Variants in KCNIP4 observed in about 807,000 individuals in gnomAD.
KCNIP4 encodes Kv channel-interacting protein 4.
KCNIP4 carries 12 observed loss-of-function variants against 34.0 expected under a neutral mutation model. That is an observed-to-expected ratio of 0.35 (90% CI 0.23 to 0.57). KCNIP4 has a LOEUF of 0.57. KCNIP4 is among the 20% of genes least tolerant of loss of function. The pLI, the probability that KCNIP4 is intolerant of heterozygous loss-of-function variation, is 0.83. For missense variants in KCNIP4, 238 were observed against 311.7 expected (o/e 0.76, Z 1.78); for synonymous variants, 124 against 102.2 (o/e 1.21, Z -1.29).
intron 1 of KCNIP4, among the ~76,000 whole-genome samples, chr4:21,342,155 G>A (rs952460063): frequency 6.6e-6 from 1 of 152,060 alleles, no homozygotes; most frequent in Non-Finnish European, 1.5e-5. Context: ...GCACGGGGTA[G>A]GAAGAAAAGA....
At chr4:21,480,374 CTT>C (rs1179131057) in intron 1 of KCNIP4, among the ~76,000 whole-genome samples, 3 of 152,022 alleles carry the variant, frequency 2.0e-5, no homozygotes, top group Non-Finnish European at 2.9e-5. Flanking sequence ...AAACACGAAT[CTT>C]TTGTCAATAG....
intron 1 of KCNIP4, among the ~76,000 whole-genome samples, chr4:20,906,067 C>CCCTT (rs1328039817): frequency 6.8e-6 from 1 of 147,844 alleles, no homozygotes; most frequent in African/African-American, 2.5e-5. Context: ...CTCCCTCCCT[C>CCCTT]CCTTCCCTCC....
chr4:21,619,905 G>T (rs535383778), intron 1 of KCNIP4, among the ~76,000 whole-genome samples: 1 of 152,274 alleles, frequency 6.6e-6, no homozygotes, highest in African/African-American at 2.4e-5. Flanking sequence ...ATTAGAAGGG[G>T]TGTTACCTTG....
intron 1 of KCNIP4, chr4:21,847,632 T>G (rs1402988725): frequency 6.6e-6 from 1 of 151,198 alleles, no homozygotes; most frequent in African/African-American, 2.4e-5. Context: ...AATTAAATTG[T>G]TTTTTGTTTC....
chr4:20,873,626 T>C lies in KCNIP4; in HGVS notation c.163+8982A>G, dbSNP rs75199742. On this transcript the variant is annotated intron_variant, in intron 2 of 8. Transcript: ENST00000382152. Reference sequence around the variant, plus strand: ...CTTGATCCTTTGCTAGTCTTTTCTCTAACTTCAAGTTCACATCATCCCTTC... The same window carrying C: ...CTTGATCCTTTGCTAGTCTTTTCTCCAACTTCAAGTTCACATCATCCCTTC... Among the ~76,000 whole-genome samples, 137 of 152,320 alleles carry C rather than the reference T, an allele frequency of 9.0e-4. 1 individual carries two copies. The highest frequency in any genetic ancestry group is 3.1e-3 in the African/African-American group (128 of 41,586).
chr4:21,109,626 C>T (rs186144077), intron 1 of KCNIP4, among the ~76,000 whole-genome samples: 1 of 152,318 alleles, frequency 6.6e-6, no homozygotes, highest in Non-Finnish European at 1.5e-5. Flanking sequence ...CACCCACTGT[C>T]TGGCACTCCC....
At chr4:20,973,112 G>C (rs750954174) in intron 1 of KCNIP4, among the ~76,000 whole-genome samples, 6 of 152,158 alleles carry the variant, frequency 3.9e-5, no homozygotes, top group Non-Finnish European at 5.9e-5. Flanking sequence ...AAGCTTTAAA[G>C]CCAGACACTG....
At chr4:21,799,629 C>A (rs192579817) in intron 1 of KCNIP4, among the ~76,000 whole-genome samples, 211 of 152,158 alleles carry the variant, frequency 1.4e-3, no homozygotes, top group Non-Finnish European at 2.3e-3. Flanking sequence ...GTTGAATGTG[C>A]CAGGTGCAAA....
chr4:21,176,789 G>A (rs1037573131), intron 1 of KCNIP4, among the ~76,000 whole-genome samples: 6 of 152,190 alleles, frequency 3.9e-5, no homozygotes, highest in Non-Finnish European at 5.9e-5. Context: ...CCAAAGTGCT[G>A]GGATTACAGG....
Position 20,959,225 on chromosome 4 carries a change from A to G in KCNIP4, c.62-76516T>C, listed in dbSNP as rs751739544. Among the ~76,000 whole-genome samples, 3 of 152,192 alleles carry G rather than the reference A, an allele frequency of 2.0e-5. 1 individual carries two copies. The highest frequency in any genetic ancestry group is 4.1e-4 in the South Asian group (2 of 4,830). Reference sequence around the variant, plus strand: ...ATGGTTCACCTCTTGGCCCCCTACTACAGGTAGCCAAAATAAATGACTGTA... The same window carrying G: ...ATGGTTCACCTCTTGGCCCCCTACTGCAGGTAGCCAAAATAAATGACTGTA... On this transcript the variant is annotated intron_variant, in intron 1 of 8. Coordinates refer to ENST00000382152, the MANE Select transcript of KCNIP4 (RefSeq NM_025221.6).
intron 1 of KCNIP4, among the ~76,000 whole-genome samples, chr4:20,895,080 T>C (rs1182726432): frequency 6.6e-6 from 1 of 152,248 alleles, no homozygotes; most frequent in Non-Finnish European, 1.5e-5. Flanking sequence ...TTCATCTGTC[T>C]AGCTCCTGGG....
At chr4:21,550,205 A>G (rs973267020) in intron 1 of KCNIP4, among the ~76,000 whole-genome samples, 1 of 152,110 alleles carries the variant, frequency 6.6e-6, no homozygotes, top group Non-Finnish European at 1.5e-5. Flanking sequence ...AGGACCAATC[A>G]CAGACATGGC....
intron 1 of KCNIP4, among the ~76,000 whole-genome samples, chr4:21,081,378 A>G (rs1047498259): frequency 4.0e-5 from 6 of 151,784 alleles, no homozygotes; most frequent in African/African-American, 1.5e-4. Context: ...TTTTTGATAC[A>G]TCTACAGTTA....
At chr4:21,182,908 AAT>A (rs551498263) in intron 1 of KCNIP4, among the ~76,000 whole-genome samples, 1 of 152,232 alleles carries the variant, frequency 6.6e-6, no homozygotes, top group East Asian at 1.9e-4. Context: ...AATTTTCAAA[AAT>A]ATGTTATTAA....
chr4:20,855,445 C>T (rs1054593316), intron 2 of KCNIP4, among the ~76,000 whole-genome samples: 2 of 152,212 alleles, frequency 1.3e-5, no homozygotes, highest in African/African-American at 2.4e-5. Flanking sequence ...CCACTAGGAC[C>T]CCAATCCCTT....
At chr4:21,633,087 C>T (rs35513024) in intron 1 of KCNIP4, among the ~76,000 whole-genome samples, 23,327 of 152,150 alleles carry the variant, frequency 0.15, 2,116 homozygotes, top group South Asian at 0.21. Flanking sequence ...TACCTATCTA[C>T]TCTTTAGGGA....
intron 1 of KCNIP4, among the ~76,000 whole-genome samples, chr4:21,593,673 T>A (rs1421219162): frequency 6.6e-6 from 1 of 152,104 alleles, no homozygotes; most frequent in Non-Finnish European, 1.5e-5. Flanking sequence ...CTGGTGAGAA[T>A]TCCCACACCT....
chr4:20,750,450 C>T (rs374308540), intron 4 of KCNIP4, among the ~76,000 whole-genome samples: 38 of 152,176 alleles, frequency 2.5e-4, no homozygotes, highest in East Asian at 2.3e-3. Flanking sequence ...GTAGGGAGCC[C>T]CTACTCTGTC....
intron 1 of KCNIP4, among the ~76,000 whole-genome samples, chr4:20,950,746 G>A (rs1248400002): frequency 6.6e-6 from 1 of 152,034 alleles, no homozygotes; most frequent in East Asian, 2.0e-4. Flanking sequence ...TGCAATCATA[G>A]CCTTTTGCTC....
Sources: allele counts gnomAD v4.1 joint callset (sites outside exome capture counted in the v4.1 genomes callset), GRCh38; gene constraint gnomAD v4.1.1; transcripts MANE v1.5; gene names NCBI Gene and HGNC (gene_info 2026-07-23, HGNC 2026-07-21).